RNF125: variants seen among roughly 807,000 people sequenced by gnomAD.
RNF125 encodes E3 ubiquitin-protein ligase RNF125.
In RNF125, 21 loss-of-function variants were observed where a neutral mutation model predicts 26.0. That is an observed-to-expected ratio of 0.81 (90% CI 0.57 to 1.16). The LOEUF is 1.16. RNF125 is among the 50% of genes most tolerant of loss of function. RNF125 has a pLI of 0.00. For synonymous variants in RNF125, 95 were observed against 109.2 expected (o/e 0.87, Z 0.81); for missense variants, 270 against 299.4 (o/e 0.90, Z 0.72).
chr18:32,068,217 G>T, intron 5 of RNF125, 81 bp from the exon 6 acceptor site: 1 of 722,880 alleles, frequency 1.4e-6, no homozygotes, highest in Non-Finnish European at 2.4e-6. Flanking sequence ...TACAAAATGA[G>T]GGTGTTGCAT....
In RNF125 at chr18:32,068,458, A is replaced by C. The variant is rs1598829240; in HGVS notation, c.*74A>C. On this transcript the variant is annotated 3_prime_UTR_variant, in exon 6 of 6. Coordinates refer to ENST00000217740, the MANE Select transcript of RNF125 (RefSeq NM_017831.4). The stretch of plus-strand genomic sequence containing the variant: ...ATGCTGCTTGAACAAATGGGAGGGA[A>C]GTTGTCAATGATTGATGGGCAAAAA... The C allele has an allele frequency of 1.0e-5, 9 of 882,708 alleles. No homozygotes were observed. The East Asian group carries it at 2.2e-4, about 21-fold the overall frequency. The allele number at this position is 882,708 out of a possible 1,614,324, so 54.7% of individuals were successfully genotyped here. A position where few individuals can be genotyped will look rare whatever the true frequency, so the allele number is the denominator to read the frequency against.
chr18:32,047,696 A>G (rs1385889796), intron 4 of RNF125, among the ~76,000 whole-genome samples: 1 of 152,190 alleles, frequency 6.6e-6, no homozygotes, highest in Non-Finnish European at 1.5e-5. Context: ...TTGTTTTCTC[A>G]TATGAGTTTT....
chr18:32,039,563 A>G (rs986839393), intron 2 of RNF125, among the ~76,000 whole-genome samples: 5 of 152,168 alleles, frequency 3.3e-5, no homozygotes, highest in Admixed American at 6.6e-5. Flanking sequence ...TACATTCTTA[A>G]TAATAGATTA....
At chr18:32,059,966 C>G (rs1057040075) in intron 4 of RNF125, among the ~76,000 whole-genome samples, 8 of 152,062 alleles carry the variant, frequency 5.3e-5, no homozygotes, top group Non-Finnish European at 1.0e-4. Flanking sequence ...ATTAAAGCAG[C>G]CTTGGTCAGG....
intron 1 of RNF125, among the ~76,000 whole-genome samples, chr18:32,025,433 G>A (rs2039023527): frequency 6.6e-6 from 1 of 151,764 alleles, no homozygotes; most frequent in Admixed American, 6.6e-5. Context: ...GGAGGCTGAG[G>A]TGGGGGGATC....
chr18:32,028,073 C>T lies in RNF125; in HGVS notation c.165-9043C>T, dbSNP rs965138475. 9.2e-5 allele frequency among the ~76,000 whole-genome samples: 14 copies of T among 151,374 alleles called. No homozygotes were observed. The South Asian group carries it at 1.0e-3, about 11-fold the overall frequency. ...CAGCACTTTGGGAGGCTGAGGCGGG[C>T]GGATCATGAGGTCAGGAGATCGAGA... On this transcript the variant is annotated intron_variant, in intron 1 of 5. Transcript: ENST00000217740.
In RNF125 at chr18:32,051,504, C is replaced by T. The variant is rs1266248574; in HGVS notation, c.504+5772C>T. On this transcript the variant is annotated intron_variant, in intron 4 of 5. Transcript: ENST00000217740. ...TGTTGGCAGGAGCCTGTAATCTCAG[C>T]TACTCAGGAGGCTGAGGCAGGAATC... Among the ~76,000 whole-genome samples, 3 of 150,894 alleles carry T rather than the reference C, an allele frequency of 2.0e-5. No homozygotes were observed. In the Admixed American group the frequency reaches 2.0e-4, roughly 10 times the overall value.
rs1288866882 is a variant in RNF125, at chr18:32,071,139, T to C, written c.*2755T>C. 6.6e-6 allele frequency: 1 copy of C among 151,120 alleles called. No homozygotes were observed. The highest frequency in any genetic ancestry group is 1.5e-5 in the Non-Finnish European group (1 of 67,996). 9.4% of individuals were successfully genotyped at this position (151,120 alleles called of 1,614,324 possible). A position where few individuals can be genotyped will look rare whatever the true frequency, so the allele number is the denominator to read the frequency against. ...TATTTAACACTTGCCCCCAGTTTTGTTTTGTTTTGTTTTGAGGAGGAATCT... is the reference window on the plus strand; with the variant it reads ...TATTTAACACTTGCCCCCAGTTTTGCTTTGTTTTGTTTTGAGGAGGAATCT... On this transcript the variant is annotated 3_prime_UTR_variant, in exon 6 of 6. Coordinates refer to ENST00000217740, the MANE Select transcript of RNF125 (RefSeq NM_017831.4).
intron 2 of RNF125, among the ~76,000 whole-genome samples, chr18:32,039,350 C>G (rs755509129): frequency 1.3e-5 from 2 of 151,860 alleles, no homozygotes; most frequent in Non-Finnish European, 2.9e-5. Context: ...AAACTATGAT[C>G]GTGCCACTGC....
chr18:32,021,324 C>T (rs2038985010), intron 1 of RNF125, among the ~76,000 whole-genome samples: 1 of 152,234 alleles, frequency 6.6e-6, no homozygotes, highest in Admixed American at 6.5e-5. Context: ...TCGTGATCTG[C>T]CCGCCTCGGC....
At chr18:32,067,694 T>TG (rs1203827263) in intron 5 of RNF125, among the ~76,000 whole-genome samples, 2 of 152,178 alleles carry the variant, frequency 1.3e-5, no homozygotes, top group Non-Finnish European at 2.9e-5. Flanking sequence ...TTGGATTTTG[T>TG]GGGGGTTTTT....
chr18:32,076,166 C>T (rs1159586742), downstream of RNF125: 16 of 541,518 alleles, frequency 3.0e-5, no homozygotes, highest in South Asian at 3.5e-5. Context: ...AGTTAGAAAC[C>T]GGATGATGAC....
rs1281736292 is a variant in RNF125 at position 32,069,018 on chromosome 18, CTG to C, written c.*637_*638del. ...AGACCAGCCTGGCCAACACTGGTCT[CTG>C]TGAAACTCCGTCTCTACTAAAAATA... is the stretch of plus-strand genomic sequence containing the variant. On this transcript the variant is annotated 3_prime_UTR_variant, in exon 6 of 6. Transcript: ENST00000217740. 2.6e-5 allele frequency: 4 copies of C among 151,940 alleles called. No homozygotes were observed. The highest frequency in any genetic ancestry group is 9.6e-5 in the African/African-American group (4 of 41,476). The allele number at this position is 151,940 out of a possible 1,614,324, so 9.4% of individuals were successfully genotyped here. A position where few individuals can be genotyped will look rare whatever the true frequency, so the allele number is the denominator to read the frequency against.
At chr18:32,059,170 A>C (rs1598824714) in intron 4 of RNF125, among the ~76,000 whole-genome samples, 1 of 152,014 alleles carries the variant, frequency 6.6e-6, no homozygotes, top group African/African-American at 2.4e-5. Context: ...TGATAGTTTG[A>C]TTTTCAGTTT....
rs1189142890 is a variant in RNF125, at chr18:32,037,215, T to C, written c.264T>C (p.Asp88=). 3.7e-6 allele frequency: 6 copies of C among 1,606,956 alleles called. No homozygotes were observed. In the Admixed American group the frequency reaches 1.0e-4, roughly 28 times the overall value. Residue 88 remains aspartate, a synonymous_variant, in exon 2 of 6, where the codon GAT becomes GAC. Transcript: ENST00000217740. ...YLPSEGVPAT[D]VAKRMKSEYK... ...CTTCAGAAGGAGTTCCAGCAACTGA[T>C]GTAGCCAAAAGAATGAAATCAGAGT...
chr18:32,022,179 C>T (rs2038992428), intron 1 of RNF125, among the ~76,000 whole-genome samples: 1 of 152,218 alleles, frequency 6.6e-6, no homozygotes, highest in African/African-American at 2.4e-5. Context: ...CATTTTCAGA[C>T]ATGTTGAACT....
rs945581891 is a variant in RNF125 at position 32,037,248 on chromosome 18, C to T, written c.297C>T (p.Asn99=). The T allele has an allele frequency of 7.5e-6, 12 of 1,591,426 alleles. No homozygotes were observed. The highest frequency in any genetic ancestry group is 9.4e-6 in the Non-Finnish European group (11 of 1,171,518). ...VAKRMKSEYK[N]CAECDTLVCL... Reference sequence around the variant, plus strand: ...AAAGAATGAAATCAGAGTATAAGAACTGCGCTGAGTGTGACACCCTGGTAT... The same window carrying T: ...AAAGAATGAAATCAGAGTATAAGAATTGCGCTGAGTGTGACACCCTGGTAT... Residue 99 remains asparagine, a synonymous_variant, in exon 2 of 6, where the codon AAC becomes AAT. Coordinates refer to ENST00000217740, the MANE Select transcript of RNF125 (RefSeq NM_017831.4).
At chr18:32,050,865 C>CCTTT (rs1491509832) in intron 4 of RNF125, among the ~76,000 whole-genome samples, 5 of 46,342 alleles carry the variant, frequency 1.1e-4, no homozygotes, top group Non-Finnish European at 1.6e-4. Context: ...GTCTAGAGTG[C>CCTTT]TTTTTTTTTT....
chr18:32,033,499 T>C (rs1228634500), intron 1 of RNF125, among the ~76,000 whole-genome samples: 1 of 146,630 alleles, frequency 6.8e-6, no homozygotes, highest in Non-Finnish European at 1.5e-5. Context: ...CACTCCAGCC[T>C]GGGCAACAAA....
Sources: allele counts gnomAD v4.1 joint callset (sites outside exome capture counted in the v4.1 genomes callset), GRCh38; gene constraint gnomAD v4.1.1; transcripts MANE v1.5; gene names NCBI Gene and HGNC (gene_info 2026-07-23, HGNC 2026-07-21).